The following SLC25A22 variants were observed in gnomAD, a reference collection of about 807,000 sequenced individuals.
SLC25A22 encodes mitochondrial glutamate carrier 1.
SLC25A22 carries 23 observed loss-of-function variants against 33.7 expected under a neutral mutation model. That is an observed-to-expected ratio of 0.68 (90% CI 0.49 to 0.97). SLC25A22 has a LOEUF of 0.97. Ranked by LOEUF, SLC25A22 falls within the 50% of genes least tolerant of loss-of-function variation. SLC25A22 has a pLI of 0.00. For missense variants in SLC25A22, 390 were observed against 451.1 expected (o/e 0.86, Z 1.23); for synonymous variants, 245 against 203.8 (o/e 1.20, Z -1.72).
intron 3 of SLC25A22, 87 bp from the exon 4 acceptor site, chr11:794,600 G>A (rs1359190847): frequency 1.3e-6 from 2 of 1,557,518 alleles, no homozygotes; most frequent in African/African-American, 1.4e-5. Context: ...TGATAGAAGA[G>A]GCCAAGTCCT....
At chr11:795,256 T>G in intron 1 of SLC25A22, 87 bp from the exon 2 acceptor site, 1 of 632,120 alleles carries the variant, frequency 1.6e-6, no homozygotes, top group Admixed American at 2.3e-5. Context: ...ACGCAGCCCC[T>G]CACCCACCAC....
intron 1 of SLC25A22, among the ~76,000 whole-genome samples, chr11:796,987 T>G (rs1864857928): frequency 6.6e-6 from 1 of 151,312 alleles, no homozygotes; most frequent in African/African-American, 2.4e-5. Flanking sequence ...TGGCCACAGC[T>G]CTCCGGGCTG....
rs547504307 is a variant in SLC25A22, at chr11:793,367, T to G, written c.293+162A>C. The stretch of plus-strand genomic sequence containing the variant: ...TGATTTGACATCTGCTTTGCTCCCC[T>G]GGTCAGGGGAAAGGAGGGAGGGTGC... On this transcript the variant is annotated intron_variant, in intron 5 of 9. Coordinates refer to ENST00000628067, the MANE Select transcript of SLC25A22 (RefSeq NM_001191061.2). The G allele has an allele frequency of 1.0e-4, 72 of 703,194 alleles. No individual in the cohort carries two copies. In the Admixed American group the frequency reaches 1.1e-3, roughly 11 times the overall value. 43.6% of individuals were successfully genotyped at this position (703,194 alleles called of 1,614,324 possible).
At chr11:795,318 T>G (rs1289815122) in intron 1 of SLC25A22, 149 bp from the exon 2 acceptor site, 1 of 507,278 alleles carries the variant, frequency 2.0e-6, no homozygotes, top group African/African-American at 2.0e-5. Flanking sequence ...GGGAGGCACC[T>G]GCCACCCAGT....
At chr11:794,951 TG>T in intron 2 of SLC25A22, 35 bp downstream of exon 2, 5 of 1,561,662 alleles carry the variant, frequency 3.2e-6, no homozygotes, top group Non-Finnish European at 3.5e-6. Flanking sequence ...TGGGTCAGGG[TG>T]GGGGTGAGGC....
chr11:793,933 C>T (rs1864661333), intron 4 of SLC25A22: 5 of 494,662 alleles, frequency 1.0e-5, no homozygotes, highest in Middle Eastern at 5.5e-4. Context: ...CCTCTCCCTC[C>T]CTGGAGGACA....
rs1590125981 is a variant in SLC25A22, at chr11:796,966, C to T, written c.-164+1251G>A. Reference sequence around the variant, plus strand: ...CCCCCACCCCTGCCGCCCCACTCTTCGGGTGCAGACTGGCCACAGCTCTCC... The same window carrying T: ...CCCCCACCCCTGCCGCCCCACTCTTTGGGTGCAGACTGGCCACAGCTCTCC... On this transcript the variant is annotated intron_variant, in intron 1 of 9. Coordinates refer to ENST00000628067, the MANE Select transcript of SLC25A22 (RefSeq NM_001191061.2). Among the ~76,000 whole-genome samples the T allele has an allele frequency of 2.6e-5, 4 of 152,168 alleles. No individual in the cohort carries two copies. In the East Asian group the frequency reaches 5.8e-4, roughly 22 times the overall value.
intron 1 of SLC25A22, 158 bp downstream of exon 1, chr11:798,059 T>A: frequency 5.0e-6 from 2 of 398,264 alleles, no homozygotes. Flanking sequence ...CAGCCGCGGA[T>A]CGGAGCATCC....
In SLC25A22 at chr11:792,266, C is replaced by G; in HGVS notation, c.742+38G>C. 3.1e-6 allele frequency: 5 copies of G among 1,613,040 alleles called. 1 individual carries two copies. Among genetic ancestry groups the G allele is most frequent in the Non-Finnish European group, 4.2e-6 (5 of 1,179,938 alleles). ...GTGAGCCTGGCCAAGGGCTCAGTCC[C>G]GCCCCATCCCCAGCCGGGCGCCATC... is the stretch of plus-strand genomic sequence containing the variant. On this transcript the variant is annotated intron_variant, in intron 8 of 9. Coordinates refer to ENST00000628067, the MANE Select transcript of SLC25A22 (RefSeq NM_001191061.2).
chr11:792,385 C>T lies in SLC25A22; in HGVS notation c.661G>A (p.Glu221Lys), dbSNP rs1441545632. The part of the protein sequence containing the change: ...LNQLGRPASE[E>K]KSPFYVSFLA... ...AAGGACACGTAGAAAGGCGACTTCT[C>T]CTCGGACGCCGGGCGGCCCAGCTGG... The change falls in exon 8 of 10, where the codon GAG (glutamate) becomes AAG (lysine). Residue 221 changes from glutamate to lysine, a missense_variant. Transcript: ENST00000628067. 2 of 1,613,198 alleles carry T rather than the reference C, an allele frequency of 1.2e-6. No homozygotes were observed. Among genetic ancestry groups the T allele is most frequent in the Admixed American group, 1.7e-5 (1 of 60,012 alleles).
rs529981730 is a variant in SLC25A22 at position 796,992 on chromosome 11, G to A, written c.-164+1225C>T. Reference sequence around the variant, plus strand: ...GGGTGCAGACTGGCCACAGCTCTCCGGGCTGCGCTGGGCCCTTCATCTCCA... The same window carrying A: ...GGGTGCAGACTGGCCACAGCTCTCCAGGCTGCGCTGGGCCCTTCATCTCCA... On this transcript the variant is annotated intron_variant, in intron 1 of 9. Coordinates refer to ENST00000628067, the MANE Select transcript of SLC25A22 (RefSeq NM_001191061.2). Among the ~76,000 whole-genome samples the A allele has an allele frequency of 2.6e-5, 4 of 151,628 alleles. No individual in the cohort carries two copies. The South Asian group carries it at 6.3e-4, about 24-fold the overall frequency.
rs1590119517 is a variant in SLC25A22, at chr11:792,940, G to A, written c.342C>T (p.Gly114=). The change falls in exon 6 of 10, where the codon GGC becomes GGT. Residue 114 remains glycine (G), a synonymous_variant. Coordinates refer to ENST00000628067, the MANE Select transcript of SLC25A22 (RefSeq NM_001191061.2). ...LKEMLAGCGA[G]TCQVIVTTPM... is the part of the protein sequence containing the mutation. ...GCGTGGTCACGATCACCTGGCAGGT[G>A]CCAGCCCCACAGCCCGCCAGCATCT... 1 of 1,613,190 alleles carries A rather than the reference G, an allele frequency of 6.2e-7. No individual in the cohort carries two copies. Among genetic ancestry groups the A allele is most frequent in the Non-Finnish European group, 8.5e-7 (1 of 1,179,906 alleles).
At chr11:793,421 G>C (rs1864639077) in intron 5 of SLC25A22, 108 bp downstream of exon 5, 1 of 1,054,098 alleles carries the variant, frequency 9.5e-7, no homozygotes, top group South Asian at 1.3e-5. Flanking sequence ...CCCCAAGCAA[G>C]GGGCTGAAGA....
intron 1 of SLC25A22, chr11:797,670 C>T (rs1456256133): frequency 2.5e-6 from 1 of 398,692 alleles, no homozygotes; most frequent in Non-Finnish European, 4.4e-6. Context: ...CCCATTCAAT[C>T]TCCCGCTGTC....
At chr11:794,625 CCCCAGTCCTGA>C in intron 3 of SLC25A22, 112 bp from the exon 4 acceptor site, 5 of 1,527,510 alleles carry the variant, frequency 3.3e-6, no homozygotes, top group Non-Finnish European at 4.4e-6. Context: ...CCAGCCCCGA[CCCCAGTCCTGA>C]CCCACGTGGG....
chr11:794,293 G>T, intron 4 of SLC25A22, 165 bp downstream of exon 4: 1 of 839,586 alleles, frequency 1.2e-6, no homozygotes, highest in Non-Finnish European at 2.0e-6. Flanking sequence ...CCACTCACCA[G>T]AGATCCAGTC....
chr11:793,908 G>A (rs1864660345), intron 4 of SLC25A22: 1 of 523,712 alleles, frequency 1.9e-6, no homozygotes, highest in South Asian at 2.0e-5. Flanking sequence ...GAGCCCCTGA[G>A]GCCTCCCTAG....
chr11:792,941 C>A lies in SLC25A22; in HGVS notation c.341G>T (p.Gly114Val). Residue 114 changes from glycine (G) to valine (V), a missense_variant, in exon 6 of 10, where the codon GGC (glycine) becomes GTC (valine). Gly to Val is a moderately radical substitution (Grantham distance 109). Coordinates refer to ENST00000628067, the MANE Select transcript of SLC25A22 (RefSeq NM_001191061.2). Reference protein sequence around the residue: ...LKEMLAGCGAGTCQVIVTTPM... With the variant: ...LKEMLAGCGAVTCQVIVTTPM... ...CGTGGTCACGATCACCTGGCAGGTG[C>A]CAGCCCCACAGCCCGCCAGCATCTC... 6.2e-7 allele frequency: 1 copy of A among 1,613,352 alleles called. No individual in the cohort carries two copies. Among genetic ancestry groups the A allele is most frequent in the Non-Finnish European group, 8.5e-7 (1 of 1,179,942 alleles).
chr11:791,690 T>G lies in SLC25A22; in HGVS notation c.*225A>C. 1 of 616,104 alleles carries G rather than the reference T, an allele frequency of 1.6e-6. No individual in the cohort carries two copies. Among genetic ancestry groups the G allele is most frequent in the South Asian group, 2.0e-5 (1 of 50,328 alleles). 38.2% of individuals were successfully genotyped at this position (616,104 alleles called of 1,614,324 possible). On this transcript the variant is annotated 3_prime_UTR_variant, in exon 10 of 10. Transcript: ENST00000628067. The stretch of plus-strand genomic sequence containing the variant: ...GGGCTAGCTTGAGGAATGTAAAGAT[T>G]TCTGCATTTTCTACATAAATGAGAC...
Sources: gnomAD v4.1 joint callset for allele counts (sites outside exome capture counted in the v4.1 genomes callset) on GRCh38, gnomAD v4.1.1 for gene constraint, MANE v1.5 for transcripts, NCBI Gene and HGNC (gene_info 2026-07-23, HGNC 2026-07-21) for gene names.